COL7A1: variants seen among roughly 807,000 people sequenced by gnomAD.
COL7A1 encodes collagen alpha-1(VII) chain.
A neutral mutation model predicts 456.2 loss-of-function variants in COL7A1; 296 were observed. The observed-to-expected ratio is 0.65, with a 90% confidence interval of 0.59 to 0.71. The LOEUF (loss-of-function observed/expected upper bound fraction) is 0.71. Ranked by LOEUF, COL7A1 falls within the 30% of genes least tolerant of loss-of-function variation. The pLI, the probability that COL7A1 is intolerant of heterozygous loss-of-function variation, is 0.00. For missense variants in COL7A1, 3,441 were observed against 4,017.2 expected (o/e 0.86, Z 3.88); for synonymous variants, 1,464 against 1,525.9 (o/e 0.96, Z 0.95).
rs747313983 is a variant in COL7A1, at chr3:48,573,735, C to A, written c.6538-10G>T. On this transcript the variant is annotated splice_polypyrimidine_tract_variant and intron_variant, in intron 81 of 118. Coordinates refer to ENST00000681320, the MANE Select transcript of COL7A1 (RefSeq NM_000094.4). The surrounding 1 kb of genome is among the most constrained non-coding windows in gnomAD (Gnocchi z 5.5). ...GGTCTCCATGACCACCCTGTTGTGG[C>A]GAAAAAGAGTCTGATGAGGGGGAGT... 1 of 1,613,394 alleles carries A rather than the reference C, an allele frequency of 6.2e-7. No individual in the cohort carries two copies. The highest frequency in any genetic ancestry group is 8.5e-7 in the Non-Finnish European group (1 of 1,179,744).
At position 48,590,927 on chromosome 3, in the gene COL7A1, G is replaced by T. The variant is rs541753654; in HGVS notation, c.1637-111C>A. 3.7e-6 allele frequency: 4 copies of T among 1,071,686 alleles called. No individual in the cohort carries two copies. The highest frequency in any genetic ancestry group is 1.9e-5 in the Admixed American group (1 of 52,364). The allele number at this position is 1,071,686 out of a possible 1,614,324, so 66.4% of individuals were successfully genotyped here. A position where few individuals can be genotyped will look rare whatever the true frequency, so the allele number is the denominator to read the frequency against. ...TGAGAAGGGCCATGGGGGTGGGGAT[G>T]TGGGGTGGTGGGGACCAGAGAGCTG... On this transcript the variant is annotated intron_variant, in intron 13 of 118. Transcript: ENST00000681320. This position sits in a 1 kb window ranked among gnomAD's most constrained non-coding sequence, Gnocchi z 4.6.
chr3:48,589,560 T>A (rs747333463), intron 17 of COL7A1, 39 bp downstream of exon 17: 1 of 1,612,024 alleles, frequency 6.2e-7, no homozygotes, highest in Admixed American at 1.7e-5. Flanking sequence ...CAGCCCCCAT[T>A]CCACCCTGAC....
rs781625285 is a variant in COL7A1, at chr3:48,586,343, G to A, written c.3539C>T (p.Ala1180Val). The A allele has an allele frequency of 1.1e-5, 17 of 1,613,880 alleles. No individual in the cohort carries two copies. In the South Asian group the frequency reaches 1.8e-4, roughly 17 times the overall value. Residue 1180 changes from alanine to valine, a missense_variant, in exon 27 of 119, where the codon GCC becomes GTC. This residue lies in a region of COL7A1 where 2,084 missense variants were observed against 2,501.3 expected (regional missense o/e 0.83). Transcript: ENST00000681320. This position sits in a 1 kb window ranked among gnomAD's most constrained non-coding sequence, Gnocchi z 5.1. The part of the protein sequence containing the change: ...RGDIFSPIRE[A>V]QASGLNVVML... ...AGCCTACTCCTTACCAGAAGCCTGG[G>A]CCTCACGGATGGGGCTGAATATGTC...
Position 48,567,093 on chromosome 3 carries a change from C to T in COL7A1, c.8109+35G>A, listed in dbSNP as rs777041901. On this transcript the variant is annotated intron_variant, in intron 110 of 118. Coordinates refer to ENST00000681320, the MANE Select transcript of COL7A1 (RefSeq NM_000094.4). This position sits in a 1 kb window ranked among gnomAD's most constrained non-coding sequence, Gnocchi z 4.3. Reference sequence around the variant, plus strand: ...TGGACCCTCTCCCAAAGTGCACGCTCCCCTCAATTCACCATGACCATGGCT... The same window carrying T: ...TGGACCCTCTCCCAAAGTGCACGCTTCCCTCAATTCACCATGACCATGGCT... 6 of 1,613,740 alleles carry T rather than the reference C, an allele frequency of 3.7e-6. No individual in the cohort carries two copies. In the African/African-American group the frequency reaches 8.0e-5, roughly 22 times the overall value.
At position 48,579,000 on chromosome 3, in the gene COL7A1, G is replaced by T; in HGVS notation, c.5389-46C>A. The T allele has an allele frequency of 6.2e-6, 10 of 1,612,852 alleles. No homozygotes were observed. Among genetic ancestry groups the T allele is most frequent in the Non-Finnish European group, 8.5e-6 (10 of 1,179,100 alleles). ...AGTTCATCATGGTCATGGGGTCAGG[G>T]GCTCTAGTCCCTGTGAGCCTAAGGC... On this transcript the variant is annotated intron_variant, in intron 62 of 118. Transcript: ENST00000681320. This position sits in a 1 kb window ranked among gnomAD's most constrained non-coding sequence, Gnocchi z 4.7.
intron 47 of COL7A1, 71 bp downstream of exon 47, chr3:48,582,252 A>G: frequency 6.2e-7 from 1 of 1,611,150 alleles, no homozygotes; most frequent in Non-Finnish European, 8.5e-7. Context: ...CACAGCCCAG[A>G]TAGTGTTCTA....
chr3:48,583,738 G>A lies in COL7A1; in HGVS notation c.4321C>T (p.Pro1441Ser), dbSNP rs567806128. Residue 1441 changes from proline (P) to serine (S), a missense_variant, in exon 40 of 119, where the codon CCT becomes TCT. Pro to Ser is a moderately conservative substitution (Grantham distance 74). Coordinates refer to ENST00000681320, the MANE Select transcript of COL7A1 (RefSeq NM_000094.4). This position sits in a 1 kb window ranked among gnomAD's most constrained non-coding sequence, Gnocchi z 5.1. ...CCTACTTTTTCTCCTTTCTTTCCAG[G>A]GGGGCCAACGGGGCCTTGGGGTCCA... ...SPGPQGPVGP[P>S]GKKGEKGDSE... 6.2e-7 allele frequency: 1 copy of A among 1,614,024 alleles called. No homozygotes were observed. Among genetic ancestry groups the A allele is most frequent in the Non-Finnish European group, 8.5e-7 (1 of 1,179,970 alleles).
At position 48,588,409 on chromosome 3, in the gene COL7A1, A is replaced by AGAGAAAGCTCAG; in HGVS notation, c.2588-17_2588-6dup. 1.2e-6 allele frequency: 2 copies of AGAGAAAGCTCAG among 1,608,702 alleles called. No homozygotes were observed. The highest frequency in any genetic ancestry group is 1.7e-6 in the Non-Finnish European group (2 of 1,179,750). The stretch of plus-strand genomic sequence containing the variant: ...GGGCTGGCGGAGCCTCAGGCGCTGG[A>AGAGAAAGCTCAG]GAGAAAGCTCAGGAATCAGGGAGGC... On this transcript the variant is annotated splice_polypyrimidine_tract_variant and splice_region_variant and intron_variant, in intron 20 of 118. Transcript: ENST00000681320. This position sits in a 1 kb window ranked among gnomAD's most constrained non-coding sequence, Gnocchi z 4.6.
Position 48,565,357 on chromosome 3 carries a change from T to C in COL7A1, c.8527+53A>G. 6.5e-7 allele frequency: 1 copy of C among 1,546,316 alleles called. No homozygotes were observed. ...TGTGCCCTGCATTCATGGACACCCA[T>C]GTGCGTGTCTCGGCCCCACCCATAG... is the stretch of plus-strand genomic sequence containing the variant. On this transcript the variant is annotated intron_variant, in intron 116 of 118. Coordinates refer to ENST00000681320, the MANE Select transcript of COL7A1 (RefSeq NM_000094.4). The surrounding 1 kb of genome is among the most constrained non-coding windows in gnomAD (Gnocchi z 4.5).
At chr3:48,584,883 G>A (rs1409772642) in intron 34 of COL7A1, 27 bp downstream of exon 34, 1 of 1,613,920 alleles carries the variant, frequency 6.2e-7, no homozygotes, top group African/African-American at 1.3e-5. Context: ...AAGACACTTA[G>A]AGAGCAAAGA....
chr3:48,579,746 C>A lies in COL7A1; in HGVS notation c.5154+39G>T. On this transcript the variant is annotated intron_variant, in intron 58 of 118. Transcript: ENST00000681320. The surrounding 1 kb of genome is among the most constrained non-coding windows in gnomAD (Gnocchi z 4.4). Reference sequence around the variant, plus strand: ...AAGGTAGAACCTGCTGGGAGGGGCACTGGGGTCTTTCTTACCCTCCACCCA... The same window carrying A: ...AAGGTAGAACCTGCTGGGAGGGGCAATGGGGTCTTTCTTACCCTCCACCCA... The A allele has an allele frequency of 1.9e-6, 3 of 1,613,994 alleles. No homozygotes were observed. Among genetic ancestry groups the A allele is most frequent in the Non-Finnish European group, 2.5e-6 (3 of 1,180,012 alleles).
In COL7A1 at chr3:48,587,158, C is replaced by A. The variant is rs749666126; in HGVS notation, c.3139+32G>T. ...GAAGCGGGCAGCCCACCCAGACACA[C>A]CTTTCTGCCCTTCCCACTACGCCCA... On this transcript the variant is annotated intron_variant, in intron 24 of 118. Transcript: ENST00000681320. This position sits in a 1 kb window ranked among gnomAD's most constrained non-coding sequence, Gnocchi z 6.1. The A allele has an allele frequency of 6.2e-7, 1 of 1,613,688 alleles. No individual in the cohort carries two copies. Among genetic ancestry groups the A allele is most frequent in the Non-Finnish European group, 8.5e-7 (1 of 1,179,936 alleles).
chr3:48,593,238 C>T lies in COL7A1; in HGVS notation c.546G>A (p.Glu182=), dbSNP rs2107799198. Residue 182 remains glutamate, a synonymous_variant, in exon 6 of 119, where the codon GAG becomes GAA. Transcript: ENST00000681320. The surrounding 1 kb of genome is among the most constrained non-coding windows in gnomAD (Gnocchi z 4.4). ...TGGGCTGTGAGGCAACTCGCTTCAG[C>T]TCCTCAGGGTCAGCATTCTTGATCC... ...AVGIKNADPE[E]LKRVASQPTS... is the part of the protein sequence containing the mutation. 2.5e-6 allele frequency: 4 copies of T among 1,614,136 alleles called. No individual in the cohort carries two copies. The highest frequency in any genetic ancestry group is 3.4e-6 in the Non-Finnish European group (4 of 1,180,024).
In COL7A1 at chr3:48,579,118, A is replaced by G; in HGVS notation, c.5388+79T>C. On this transcript the variant is annotated intron_variant, in intron 62 of 118. Coordinates refer to ENST00000681320, the MANE Select transcript of COL7A1 (RefSeq NM_000094.4). This position sits in a 1 kb window ranked among gnomAD's most constrained non-coding sequence, Gnocchi z 4.4. ...CCAGAGCTCGTCAAGGCCAAGACCA[A>G]CCAATGAGGCTGGGGTCTAGGGTCC... 1 of 1,571,864 alleles carries G rather than the reference A, an allele frequency of 6.4e-7. No homozygotes were observed. The highest frequency in any genetic ancestry group is 8.7e-7 in the Non-Finnish European group (1 of 1,144,456).
intron 71 of COL7A1, 116 bp downstream of exon 71, chr3:48,576,133 G>T: frequency 6.6e-7 from 1 of 1,508,148 alleles, no homozygotes; most frequent in Non-Finnish European, 9.1e-7. Context: ...ATGGGGCAGG[G>T]CACTGAACAC....
chr3:48,574,376 C>T lies in COL7A1; in HGVS notation c.6457-70G>A. 1.2e-6 allele frequency: 2 copies of T among 1,613,358 alleles called. No homozygotes were observed. Among genetic ancestry groups the T allele is most frequent in the Non-Finnish European group, 1.7e-6 (2 of 1,179,324 alleles). ...CCCCTCCACCCACCATCCCCCTAGA[C>T]AGAGTCAGGACCCAGACAGTCCCAG... On this transcript the variant is annotated intron_variant, in intron 79 of 118. Coordinates refer to ENST00000681320, the MANE Select transcript of COL7A1 (RefSeq NM_000094.4). This position sits in a 1 kb window ranked among gnomAD's most constrained non-coding sequence, Gnocchi z 5.0.
chr3:48,587,328 C>A lies in COL7A1; in HGVS notation c.3001G>T (p.Gly1001Trp). 1.2e-6 allele frequency: 2 copies of A among 1,603,032 alleles called. No individual in the cohort carries two copies. Among genetic ancestry groups the A allele is most frequent in the Non-Finnish European group, 1.7e-6 (2 of 1,174,776 alleles). Residue 1001 changes from glycine (G) to tryptophan (W), a missense_variant, in exon 24 of 119, where the codon GGG (glycine) becomes TGG (tryptophan). Gly to Trp is a radical substitution (Grantham distance 184). Around this residue, in one of 3 missense-constraint regions of COL7A1, gnomAD observed 444 missense variants for 427.6 expected, o/e 1.04. Transcript: ENST00000681320. The surrounding 1 kb of genome is among the most constrained non-coding windows in gnomAD (Gnocchi z 6.1). ...ATCCCTGGAAGTGTCTGCGGGGACC[C>A]AGGCACTTCTGCAGGAGACAGAACT... ...PLRGPGQEVP[G>W]SPQTLPGISS...
chr3:48,585,418 C>T lies in COL7A1; in HGVS notation c.3894+139G>A. Reference sequence around the variant, plus strand: ...TATTTCAGAGTGTCCCCCAAAGTCTCTGTGGTGGTTTATAACCTCCAGCTG... The same window carrying T: ...TATTTCAGAGTGTCCCCCAAAGTCTTTGTGGTGGTTTATAACCTCCAGCTG... On this transcript the variant is annotated intron_variant, in intron 32 of 118. Coordinates refer to ENST00000681320, the MANE Select transcript of COL7A1 (RefSeq NM_000094.4). This position sits in a 1 kb window ranked among gnomAD's most constrained non-coding sequence, Gnocchi z 4.5. 9.7e-7 allele frequency: 1 copy of T among 1,032,312 alleles called. No homozygotes were observed. Among genetic ancestry groups the T allele is most frequent in the East Asian group, 2.4e-5 (1 of 41,626 alleles). 63.9% of individuals were successfully genotyped at this position (1,032,312 alleles called of 1,614,324 possible). A position where few individuals can be genotyped will look rare whatever the true frequency, so the allele number is the denominator to read the frequency against.
At position 48,595,160 on chromosome 3, in the gene COL7A1, C is replaced by T. The variant is rs1003108106; in HGVS notation, c.-1G>A. The T allele has an allele frequency of 6.4e-7, 1 of 1,551,648 alleles. No individual in the cohort carries two copies. Among genetic ancestry groups the T allele is most frequent in the Non-Finnish European group, 8.7e-7 (1 of 1,147,590 alleles). On this transcript the variant is annotated splice_region_variant and 5_prime_UTR_variant, in exon 2 of 119. Transcript: ENST00000681320. ...CGGCCACCAGAAGCCGCAGCGTCAT[C>T]CTAGGCAGTAAAAGCCGTCAGCTAG...
Sources: allele counts gnomAD v4.1 joint callset, GRCh38; gene constraint gnomAD v4.1.1; regional missense constraint gnomAD v4.1.1; non-coding constraint Gnocchi (gnomAD v3.1); transcripts MANE v1.5; gene names NCBI Gene and HGNC (gene_info 2026-07-23, HGNC 2026-07-21).